Variants in FGD5 observed in about 807,000 individuals in gnomAD.
FGD5 encodes the protein FYVE, RhoGEF and PH domain containing 5, also known as FYVE, RhoGEF and PH domain-containing protein 5.
FGD5 carries 28 observed loss-of-function variants against 133.4 expected under a neutral mutation model. The observed-to-expected ratio is 0.21, with a 90% CI of 0.16 to 0.29. The LOEUF (loss-of-function observed/expected upper bound fraction) is 0.29. Among genes scored for constraint, FGD5 ranks in the 10% least tolerant of loss-of-function variants. FGD5 has a pLI of 1.00. For synonymous variants in FGD5, 810 were observed against 776.5 expected (o/e 1.04, Z -0.72); for missense variants, 1,858 against 1,895.2 (o/e 0.98, Z 0.36).
At chr3:14,888,407 G>C (rs1233466888) in intron 4 of FGD5, among the ~76,000 whole-genome samples, 1 of 152,114 alleles carries the variant, frequency 6.6e-6, no homozygotes, top group Non-Finnish European at 1.5e-5. Flanking sequence ...TGCTTTTTCA[G>C]ACTGGCATAC....
intron 7 of FGD5, among the ~76,000 whole-genome samples, chr3:14,899,167 G>A (rs1398901485): frequency 6.6e-6 from 1 of 152,082 alleles, no homozygotes; most frequent in Non-Finnish European, 1.5e-5. Context: ...CATATGAGTG[G>A]ACATTTTCAG....
At chr3:14,841,257 A>C (rs2036915678) in intron 1 of FGD5, among the ~76,000 whole-genome samples, 2 of 152,232 alleles carry the variant, frequency 1.3e-5, no homozygotes. Flanking sequence ...CTATGCTGTC[A>C]CCCAGGGGTG....
At chr3:14,915,068 C>T (rs1290762756) in intron 11 of FGD5, among the ~76,000 whole-genome samples, 2 of 152,246 alleles carry the variant, frequency 1.3e-5, no homozygotes, top group Non-Finnish European at 2.9e-5. Context: ...CTGCTTTGCA[C>T]AGCAGCAGAG....
At chr3:14,919,982 G>A (rs2038642785) in intron 13 of FGD5, among the ~76,000 whole-genome samples, 1 of 152,192 alleles carries the variant, frequency 6.6e-6, no homozygotes, top group African/African-American at 2.4e-5. Flanking sequence ...ACCACAGTGG[G>A]GCATGGCATT....
chr3:14,849,813 T>C (rs1283858023), intron 1 of FGD5, among the ~76,000 whole-genome samples: 1 of 151,996 alleles, frequency 6.6e-6, no homozygotes, highest in Non-Finnish European at 1.5e-5. Flanking sequence ...GATACAGTGG[T>C]TGGGAAGAAG....
upstream of FGD5, among the ~76,000 whole-genome samples, chr3:14,817,948 T>C (rs2036399910): frequency 6.6e-6 from 1 of 152,144 alleles, no homozygotes; most frequent in South Asian, 2.1e-4. Flanking sequence ...GGCAGTCTTG[T>C]AGCAGAGAGA....
At chr3:14,815,744 C>G (rs962206208), upstream of FGD5, among the ~76,000 whole-genome samples, 1 of 152,196 alleles carries the variant, frequency 6.6e-6, no homozygotes, top group African/African-American at 2.4e-5. Context: ...TCACCAGATG[C>G]TGGGACCTCT....
rs57012067 is a variant in FGD5 at position 14,858,355 on chromosome 3, G to GTGGGTGGATGGATGGATGGATGGA, written c.2526-5770_2526-5769insGTGGATGGATGGATGGATGGATGG. On this transcript the variant is annotated intron_variant, in intron 1 of 19. Transcript: ENST00000285046. Reference sequence around the variant, plus strand: ...CCAGTGTCCTGAAGCGGGTGGGTGGGTGGATGGATGGATGGATGGATGGAT... The same window carrying GTGGGTGGATGGATGGATGGATGGA: ...CCAGTGTCCTGAAGCGGGTGGGTGGGTGGGTGGATGGATGGATGGATGGATGGATGGATGGATGGATGGATGGAT... Among the ~76,000 whole-genome samples, 5 of 130,980 alleles carry GTGGGTGGATGGATGGATGGATGGA rather than the reference G, an allele frequency of 3.8e-5. No individual in the cohort carries two copies. The South Asian group carries it at 8.3e-4, about 22-fold the overall frequency. 85.9% of individuals were successfully genotyped at this position (130,980 alleles called of 152,430 possible).
chr3:14,866,562 T>G (rs1305740512), intron 2 of FGD5, among the ~76,000 whole-genome samples: 1 of 152,178 alleles, frequency 6.6e-6, no homozygotes, highest in Non-Finnish European at 1.5e-5. Context: ...GGCAACTTCC[T>G]GACCACTCTG....
intron 7 of FGD5, among the ~76,000 whole-genome samples, 193 bp downstream of exon 7, chr3:14,899,019 G>A (rs969572146): frequency 1.3e-5 from 2 of 151,942 alleles, no homozygotes; most frequent in East Asian, 1.9e-4. Flanking sequence ...ACCTTAGAAC[G>A]CTCCCTCCAG....
chr3:14,811,633 A>G (rs2036296385), intron 1 of FGD5, among the ~76,000 whole-genome samples: 1 of 152,036 alleles, frequency 6.6e-6, no homozygotes, highest in Non-Finnish European at 1.5e-5. Flanking sequence ...CCTGCAGTTC[A>G]GAGATTCCGT....
intron 4 of FGD5, 80 bp from the exon 5 acceptor site, chr3:14,897,429 A>G: frequency 6.6e-7 from 1 of 1,514,494 alleles, no homozygotes. Flanking sequence ...CAGGGCTCCA[A>G]AGCCCCAGGG....
intron 1 of FGD5, among the ~76,000 whole-genome samples, chr3:14,853,989 A>C (rs926555410): frequency 1.3e-5 from 2 of 151,648 alleles, no homozygotes; most frequent in African/African-American, 4.8e-5. Context: ...GGGGGTTTAG[A>C]ATTTGGCCCT....
Position 14,926,092 on chromosome 3 carries a change from C to G in FGD5, c.4091C>G (p.Ser1364Cys). 1 of 1,613,878 alleles carries G rather than the reference C, an allele frequency of 6.2e-7. No individual in the cohort carries two copies. The highest frequency in any genetic ancestry group is 1.1e-5 in the South Asian group (1 of 91,076). Residue 1364 changes from serine (S) to cysteine (C), a missense_variant, in exon 18 of 20, where the codon TCT becomes TGT. Ser to Cys is a moderately radical substitution (Grantham distance 112). Around this residue, in one of 3 missense-constraint regions of FGD5, gnomAD observed 1,824 missense variants for 1,848.9 expected, o/e 0.99. Coordinates refer to ENST00000285046, the MANE Select transcript of FGD5 (RefSeq NM_152536.4). ...LTEVAASGEG[S>C]AISGYLSRCK... ...CAGGTGGCTGCCTCTGGAGAGGGCTCTGCCATCAGTGGCTATCTCAGCCGG... is the reference window on the plus strand; with the variant it reads ...CAGGTGGCTGCCTCTGGAGAGGGCTGTGCCATCAGTGGCTATCTCAGCCGG...
At position 14,811,111 on chromosome 3, in the gene FGD5, C is replaced by T. The variant is rs577650653; in HGVS notation, c.13+246C>T. Among the ~76,000 whole-genome samples, 6 of 152,256 alleles carry T rather than the reference C, an allele frequency of 3.9e-5. No homozygotes were observed. The East Asian group carries it at 9.7e-4, about 25-fold the overall frequency. ...CTTCTCAGCCTTGGCGAGGCCGCGC[C>T]CTGGCCGTGCGCGCCAGTATCCCAC... On this transcript the variant is annotated intron_variant, in intron 1 of 1. Coordinates refer to the FGD5 transcript ENST00000640506.
intron 11 of FGD5, among the ~76,000 whole-genome samples, chr3:14,911,251 A>G (rs2038443444): frequency 1.3e-5 from 2 of 152,192 alleles, no homozygotes; most frequent in African/African-American, 2.4e-5. Flanking sequence ...TAGGCCTCCC[A>G]GGGGGATGGT....
chr3:14,905,670 C>T (rs946351712), intron 9 of FGD5, among the ~76,000 whole-genome samples: 10 of 152,024 alleles, frequency 6.6e-5, no homozygotes, highest in Non-Finnish European at 1.2e-4. Context: ...CATCTGCTTG[C>T]GGGTGGTGTT....
At chr3:14,876,371 G>A (rs1433625158) in intron 2 of FGD5, among the ~76,000 whole-genome samples, 2 of 152,028 alleles carry the variant, frequency 1.3e-5, no homozygotes, top group African/African-American at 2.4e-5. Flanking sequence ...AAAAATGATC[G>A]AGGGCCCCAA....
At chr3:14,887,345 C>A (rs1275149917) in intron 4 of FGD5, among the ~76,000 whole-genome samples, 4 of 151,984 alleles carry the variant, frequency 2.6e-5, no homozygotes, top group Non-Finnish European at 5.9e-5. Flanking sequence ...GATGGTGGAG[C>A]AAGTTCTCCT....
Sources: allele counts gnomAD v4.1 joint callset (sites outside exome capture counted in the v4.1 genomes callset), GRCh38; gene constraint gnomAD v4.1.1; regional missense constraint gnomAD v4.1.1; transcripts MANE v1.5; gene names NCBI Gene and HGNC (gene_info 2026-07-23, HGNC 2026-07-21).